ZNF285: variants seen among roughly 807,000 people sequenced by gnomAD.
ZNF285 encodes zinc finger protein 285.
ZNF285 carries 4 observed loss-of-function variants against 6.2 expected under a neutral mutation model. The observed-to-expected ratio is 0.65, with a 90% CI of 0.32 to 1.49. The LOEUF (loss-of-function observed/expected upper bound fraction) is 1.49. ZNF285 is among the 40% of genes most tolerant of loss of function. ZNF285 has a pLI of 0.07. For missense variants in ZNF285, 695 were observed against 708.8 expected, an observed-to-expected ratio of 0.98 and a Z score of 0.22; for synonymous variants, 240 against 245.8, an observed-to-expected ratio of 0.98 and a Z score of 0.22.
chr19:44,395,893 G>A (rs543138461), intron 2 of ZNF285, among the ~76,000 whole-genome samples: 7 of 152,250 alleles, frequency 4.6e-5, no homozygotes, highest in Admixed American at 6.5e-5. Flanking sequence ...AAAACGAGCA[G>A]AGTGCTACCA....
Position 44,388,068 on chromosome 19 carries a change from C to G in ZNF285, c.177G>C (p.Gln59His). ...GCGAAAGGTAACTTAACCCCTTTGC[C>G]TGAAGATTCAAAATGTTGTTTTTAA... Reference protein sequence around the residue: ...DGIKNNILNLQAKGLSYLSQE... With the variant: ...DGIKNNILNLHAKGLSYLSQE... The change falls in exon 4 of 4, where the codon CAG (glutamine) becomes CAC (histidine). Residue 59 changes from glutamine (Q) to histidine (H), a missense_variant. Coordinates refer to ENST00000614994, the MANE Select transcript of ZNF285 (RefSeq NM_152354.6). The G allele has an allele frequency of 2.5e-6, 4 of 1,613,666 alleles. No individual in the cohort carries two copies. The highest frequency in any genetic ancestry group is 3.4e-6 in the Non-Finnish European group (4 of 1,179,864).
chr19:44,387,339 G>T lies in ZNF285; in HGVS notation c.906C>A (p.Asp302Glu), dbSNP rs770460274. ...AGGAGACTTTCTGATATCTGGGAAG[G>T]TCTGAGCTCTGTTTGCAGCCCATAG... is the stretch of plus-strand genomic sequence containing the variant. ...EWPMGCKQSS[D>E]LPRYQKVSSG... Residue 302 changes from aspartate to glutamate, a missense_variant, in exon 4 of 4, where the codon GAC becomes GAA. Transcript: ENST00000614994. The T allele has an allele frequency of 1.9e-6, 3 of 1,614,204 alleles. No individual in the cohort carries two copies. Among genetic ancestry groups the T allele is most frequent in the South Asian group, 2.2e-5 (2 of 91,086 alleles).
In ZNF285 at chr19:44,385,863, C is replaced by G. The variant is rs1197860036; in HGVS notation, c.*609G>C. 1 of 154,182 alleles carries G rather than the reference C, an allele frequency of 6.5e-6. No individual in the cohort carries two copies. Among genetic ancestry groups the G allele is most frequent in the African/African-American group, 2.4e-5 (1 of 41,446 alleles). The allele number at this position is 154,182 out of a possible 1,614,324, so 9.6% of individuals were successfully genotyped here. A position where few individuals can be genotyped will look rare whatever the true frequency, so the allele number is the denominator to read the frequency against. The stretch of plus-strand genomic sequence containing the variant: ...GCTAGAACTCAATCACATGGGCACA[C>G]TCTTAACTGCAAGGGTTACTGGGAA... On this transcript the variant is annotated 3_prime_UTR_variant, in exon 4 of 4. Transcript: ENST00000614994.
intron 2 of ZNF285, chr19:44,396,948 T>C: frequency 1.9e-6 from 1 of 522,224 alleles, no homozygotes; most frequent in South Asian, 2.9e-5. Flanking sequence ...TGATAAGCAG[T>C]TCATGGACTG....
rs1214180211 is a variant in ZNF285 at position 44,383,106 on chromosome 19, G to A, written c.*3366C>T. On this transcript the variant is annotated 3_prime_UTR_variant, in exon 4 of 4. Transcript: ENST00000614994. ...CTATGAATTTTCACATGCCAATTTC[G>A]TGTGAAACCAATTTGTTGACCCGAT... The A allele has an allele frequency of 1.3e-5, 2 of 152,148 alleles. No individual in the cohort carries two copies. The highest frequency in any genetic ancestry group is 2.9e-5 in the Non-Finnish European group (2 of 68,030). The allele number at this position is 152,148 out of a possible 1,614,324, so 9.4% of individuals were successfully genotyped here. A position where few individuals can be genotyped will look rare whatever the true frequency, so the allele number is the denominator to read the frequency against.
chr19:44,401,398 G>A (rs920522279), intron 1 of ZNF285, 170 bp downstream of exon 1: 6 of 152,234 alleles, frequency 3.9e-5, no homozygotes, highest in African/African-American at 1.4e-4. Context: ...CGGGTAGGTC[G>A]GGCCGCTGAA....
At chr19:44,396,028 G>A (rs537417622) in intron 2 of ZNF285, among the ~76,000 whole-genome samples, 11 of 152,276 alleles carry the variant, frequency 7.2e-5, no homozygotes, top group African/African-American at 2.2e-4. Flanking sequence ...CTGTAATTTA[G>A]AAGATAGAAA....
At position 44,387,133 on chromosome 19, in the gene ZNF285, G is replaced by A. The variant is rs1568383924; in HGVS notation, c.1112C>T (p.Pro371Leu). The change falls in exon 4 of 4, where the codon CCC becomes CTC. Residue 371 changes from proline to leucine, a missense_variant. Coordinates refer to ENST00000614994, the MANE Select transcript of ZNF285 (RefSeq NM_152354.6). ...CTTCCCACACTCTTCACATTTATAG[G>A]GCTTTTTCCCTGTGTGTACTCCCTG... ...IHQGVHTGKK[P>L]YKCEECGKGF... The A allele has an allele frequency of 1.2e-6, 2 of 1,614,070 alleles. No homozygotes were observed. Among genetic ancestry groups the A allele is most frequent in the East Asian group, 2.2e-5 (1 of 44,872 alleles).
intron 3 of ZNF285, 54 bp downstream of exon 3, chr19:44,392,286 T>G: frequency 1.2e-6 from 2 of 1,611,494 alleles, no homozygotes; most frequent in South Asian, 2.2e-5. Context: ...TCTATCTGGT[T>G]TGAAATGATG....
At chr19:44,389,815 G>T (rs1971162961) in intron 3 of ZNF285, among the ~76,000 whole-genome samples, 1 of 152,102 alleles carries the variant, frequency 6.6e-6, no homozygotes, top group South Asian at 2.1e-4. Flanking sequence ...TGCAGTTTGA[G>T]AAACAACTGC....
chr19:44,395,586 TATTG>T (rs1288663939), intron 2 of ZNF285, among the ~76,000 whole-genome samples: 5 of 152,180 alleles, frequency 3.3e-5, no homozygotes, highest in African/African-American at 7.2e-5. Flanking sequence ...ACCAAATAAT[TATTG>T]ATTATTTCAT....
rs1971035937 is a variant in ZNF285 at position 44,384,033 on chromosome 19, A to G, written c.*2439T>C. 6.6e-6 allele frequency: 1 copy of G among 152,206 alleles called. No homozygotes were observed. The highest frequency in any genetic ancestry group is 2.4e-5 in the African/African-American group (1 of 41,460). 9.4% of individuals were successfully genotyped at this position (152,206 alleles called of 1,614,324 possible). On this transcript the variant is annotated 3_prime_UTR_variant, in exon 4 of 4. Coordinates refer to ENST00000614994, the MANE Select transcript of ZNF285 (RefSeq NM_152354.6). Reference sequence around the variant, plus strand: ...CATGAAGGAATGTTGCACCCATTCTAAACCCCAAAAGCTTCCTAGGATAAT... The same window carrying G: ...CATGAAGGAATGTTGCACCCATTCTGAACCCCAAAAGCTTCCTAGGATAAT...
chr19:44,397,896 A>AT (rs200256883), intron 1 of ZNF285, among the ~76,000 whole-genome samples: 12,265 of 150,822 alleles, frequency 0.081, 723 homozygotes, highest in African/African-American at 0.16. Flanking sequence ...AAAAAAAAAA[A>AT]AACAGAGGAA....
chr19:44,394,683 T>C, intron 2 of ZNF285: 1 of 404,030 alleles, frequency 2.5e-6, no homozygotes, highest in Non-Finnish European at 4.4e-6. Context: ...ACAGATATGT[T>C]CTCTCAATAG....
intron 1 of ZNF285, among the ~76,000 whole-genome samples, chr19:44,397,952 T>G (rs1971312374): frequency 6.6e-6 from 1 of 151,578 alleles, no homozygotes; most frequent in Non-Finnish European, 1.5e-5. Context: ...CCTTCTGCTA[T>G]TTCCACTTTC....
rs1194028306 is a variant in ZNF285 at position 44,384,520 on chromosome 19, A to G, written c.*1952T>C. 6.6e-6 allele frequency: 1 copy of G among 152,206 alleles called. No individual in the cohort carries two copies. Among genetic ancestry groups the G allele is most frequent in the Non-Finnish European group, 1.5e-5 (1 of 68,024 alleles). 9.4% of individuals were successfully genotyped at this position (152,206 alleles called of 1,614,324 possible). The stretch of plus-strand genomic sequence containing the variant: ...TTTCACTATTATCCACCTGATCAGT[A>G]AGAAAATGACACTTCAGGGATGGTT... On this transcript the variant is annotated 3_prime_UTR_variant, in exon 4 of 4. Transcript: ENST00000614994.
In ZNF285 at chr19:44,382,570, T is replaced by C. The variant is rs888745059; in HGVS notation, c.*3902A>G. 1 of 152,086 alleles carries C rather than the reference T, an allele frequency of 6.6e-6. No individual in the cohort carries two copies. The highest frequency in any genetic ancestry group is 2.4e-5 in the African/African-American group (1 of 41,378). The allele number at this position is 152,086 out of a possible 1,614,324, so 9.4% of individuals were successfully genotyped here. A position where few individuals can be genotyped will look rare whatever the true frequency, so the allele number is the denominator to read the frequency against. On this transcript the variant is annotated 3_prime_UTR_variant, in exon 4 of 4. Coordinates refer to ENST00000614994, the MANE Select transcript of ZNF285 (RefSeq NM_152354.6). The stretch of plus-strand genomic sequence containing the variant: ...ACCTTGGCCTCCCAAAGTGCTGGGA[T>C]TAGGACTAAGTTTTATAGGGAAAAC...
intron 1 of ZNF285, among the ~76,000 whole-genome samples, chr19:44,398,940 A>C (rs911105005): frequency 6.6e-6 from 1 of 152,154 alleles, no homozygotes; most frequent in Non-Finnish European, 1.5e-5. Flanking sequence ...AGTCTGTCAC[A>C]GACTGATATT....
At chr19:44,389,665 G>A (rs1364358246) in intron 3 of ZNF285, among the ~76,000 whole-genome samples, 1 of 151,712 alleles carries the variant, frequency 6.6e-6, no homozygotes, top group Admixed American at 6.6e-5. Flanking sequence ...AAGATTTAGG[G>A]TACACGTGCA....
Sources: allele counts gnomAD v4.1 joint callset (sites outside exome capture counted in the v4.1 genomes callset), GRCh38; gene constraint gnomAD v4.1.1; transcripts MANE v1.5; gene names NCBI Gene and HGNC (gene_info 2026-07-23, HGNC 2026-07-21).